DCT: variants seen among roughly 807,000 people sequenced by gnomAD.
DCT encodes L-dopachrome tautomerase.
Under a neutral mutation model 53.0 loss-of-function variants are expected in DCT, and 47 were observed. That is an observed-to-expected ratio of 0.89 (90% CI 0.70 to 1.13). The LOEUF is 1.13. Among genes scored for constraint, DCT ranks in the 50% most tolerant of loss-of-function variants. The probability of loss-of-function intolerance (pLI) is 0.00; values close to 1 mark genes in which losing one functional copy is unlikely to be tolerated. For synonymous variants in DCT, 244 were observed against 237.0 expected (o/e 1.03, Z -0.27); for missense variants, 669 against 637.4 (o/e 1.05, Z -0.53).
chr13:94,548,460 C>T, the DCT span, among the ~76,000 whole-genome samples: 10,218 of 152,052 alleles, frequency 0.067, 686 homozygotes, highest in African/African-American at 0.17. Flanking sequence ...TCCAGCAACC[C>T]GCCACCTCAC....
intron 6 of DCT, chr13:94,445,890 G>A (rs1566803853): frequency 7.8e-6 from 5 of 643,680 alleles, no homozygotes; most frequent in Non-Finnish European, 1.4e-5. Context: ...ACTGTGGGGG[G>A]GCGGGGTGAA....
chr13:94,468,927 T>G lies in DCT; in HGVS notation c.414A>C (p.Arg138Ser). The change falls in exon 2 of 8, where the codon AGA (arginine) becomes AGC (serine). Residue 138 changes from arginine (R) to serine (S), a missense_variant. Coordinates refer to ENST00000377028, the MANE Select transcript of DCT (RefSeq NM_001922.5). ...GATCTAAGGCGCCCAAGAACTGCTC[T>G]CTTTCCTGAGGACTCAAGGAATGGA... ...QNIHSLSPQE[R>S]EQFLGALDLA... The G allele has an allele frequency of 1.4e-5, 23 of 1,614,144 alleles. No homozygotes were observed. Among genetic ancestry groups the G allele is most frequent in the Non-Finnish European group, 1.9e-5 (23 of 1,180,010 alleles).
Position 94,439,430 on chromosome 13 carries a change from C to A in DCT, c.*468G>T, listed in dbSNP as rs71429550. The A allele has an allele frequency of 1.3e-5, 2 of 153,120 alleles. No homozygotes were observed. The highest frequency in any genetic ancestry group is 4.8e-5 in the African/African-American group (2 of 41,434). 9.5% of individuals were successfully genotyped at this position (153,120 alleles called of 1,614,324 possible). On this transcript the variant is annotated 3_prime_UTR_variant, in exon 8 of 8. Coordinates refer to ENST00000377028, the MANE Select transcript of DCT (RefSeq NM_001922.5). ...GCTAAAAGGGATCTTGGAGACTCAT[C>A]TAGCACCTACCAACTCCCACCTCCA...
At chr13:94,487,422 G>A in the DCT span, among the ~76,000 whole-genome samples, 2 of 152,212 alleles carry the variant, frequency 1.3e-5, no homozygotes, top group East Asian at 1.9e-4. Context: ...AGGACTCAAT[G>A]TATGTTCATG....
chr13:94,540,903 T>C, the DCT span, among the ~76,000 whole-genome samples: 2 of 152,290 alleles, frequency 1.3e-5, no homozygotes, highest in African/African-American at 4.8e-5. Flanking sequence ...AATCTAAGTG[T>C]CCATCAACAG....
chr13:94,452,728 GA>G, intron 6 of DCT: 1 of 654,806 alleles, frequency 1.5e-6, no homozygotes. Flanking sequence ...TACATTTCAG[GA>G]TAAATCCATG....
the DCT span, among the ~76,000 whole-genome samples, chr13:94,526,774 T>C: frequency 6.6e-6 from 1 of 151,978 alleles, no homozygotes; most frequent in South Asian, 2.1e-4. Context: ...ACCGGTTGGA[T>C]AGTGGTTGCA....
intron 6 of DCT, among the ~76,000 whole-genome samples, chr13:94,452,932 A>T (rs1883190849): frequency 6.6e-6 from 1 of 152,168 alleles, no homozygotes; most frequent in African/African-American, 2.4e-5. Context: ...TTAGAAAAAA[A>T]TTGTATTGTT....
Position 94,462,077 on chromosome 13 carries a change from G to A in DCT, c.976C>T (p.Arg326Ter), listed in dbSNP as rs148575940. The A allele has an allele frequency of 1.7e-5, 27 of 1,612,872 alleles. No homozygotes were observed. The highest frequency in any genetic ancestry group is 1.6e-4 in the African/African-American group (12 of 74,606). ...SMKLPTLKDI[R>*]DCLSLQKFDN... ...AACTTCTGGAGAGACAGGCAATCTC[G>A]TATGTCTTTTAAGGTTGGCAATTTC... is the stretch of plus-strand genomic sequence containing the variant. The change falls in exon 5 of 8, where the codon CGA becomes TGA. Residue 326 changes from arginine (R) to a stop codon, truncating the protein, a stop_gained. Coordinates refer to ENST00000377028, the MANE Select transcript of DCT (RefSeq NM_001922.5). LOFTEE classifies it high-confidence loss of function.
At chr13:94,529,916 A>G in the DCT span, among the ~76,000 whole-genome samples, 3,398 of 152,318 alleles carry the variant, frequency 0.022, 123 homozygotes, top group African/African-American at 0.076. Flanking sequence ...AGAAGAAAAG[A>G]GAGAAGAATC....
chr13:94,529,242 G>T, the DCT span, among the ~76,000 whole-genome samples: 3 of 152,158 alleles, frequency 2.0e-5, no homozygotes, highest in Non-Finnish European at 4.4e-5. Flanking sequence ...GAGACAGAAG[G>T]TTAACAAGGA....
At position 94,479,282 on chromosome 13, in the gene DCT, T is replaced by C; in HGVS notation, c.-27A>G. ...GCTTTATAATTGGGAGAGCTCTCTC[T>C]CTCTCTTACTTTCCTTGTCTCTGTC... On this transcript the variant is annotated 5_prime_UTR_variant, in exon 1 of 8. Coordinates refer to ENST00000377028, the MANE Select transcript of DCT (RefSeq NM_001922.5). 6.6e-7 allele frequency: 1 copy of C among 1,523,304 alleles called. No individual in the cohort carries two copies. Among genetic ancestry groups the C allele is most frequent in the Non-Finnish European group, 8.9e-7 (1 of 1,129,724 alleles). 94.4% of individuals were successfully genotyped at this position (1,523,304 alleles called of 1,614,324 possible). A position where few individuals can be genotyped will look rare whatever the true frequency, so the allele number is the denominator to read the frequency against.
intron 6 of DCT, among the ~76,000 whole-genome samples, chr13:94,451,062 C>T (rs571734363): frequency 2.0e-4 from 31 of 152,158 alleles, no homozygotes; most frequent in Middle Eastern, 3.4e-3. Context: ...AACAAGCCAG[C>T]CCCCAGCCTA....
At chr13:94,524,375 T>C in the DCT span, among the ~76,000 whole-genome samples, 3 of 152,206 alleles carry the variant, frequency 2.0e-5, no homozygotes, top group South Asian at 2.1e-4. Context: ...TGTGGCTACA[T>C]GGCATCCTGG....
At chr13:94,476,335 C>G (rs1326286826) in intron 1 of DCT, among the ~76,000 whole-genome samples, 1 of 151,788 alleles carries the variant, frequency 6.6e-6, no homozygotes, top group East Asian at 1.9e-4. Context: ...CAAAACAAAA[C>G]TTGCTAGCCA....
chr13:94,526,126 T>G, the DCT span, among the ~76,000 whole-genome samples: 2 of 152,244 alleles, frequency 1.3e-5, no homozygotes, highest in Admixed American at 1.3e-4. Context: ...ATGGGGCATA[T>G]GGCTCCTGGG....
the DCT span, among the ~76,000 whole-genome samples, chr13:94,531,260 G>A: frequency 9.7e-3 from 1,467 of 152,006 alleles, 25 homozygotes; most frequent in African/African-American, 0.033. Context: ...AAGCTACCAC[G>A]GACTTTCTTC....
the DCT span, among the ~76,000 whole-genome samples, chr13:94,524,097 A>T: frequency 6.6e-6 from 1 of 152,210 alleles, no homozygotes; most frequent in Non-Finnish European, 1.5e-5. Context: ...CTCCATCCAG[A>T]CTGTTTCATC....
At chr13:94,507,779 C>T in the DCT span, among the ~76,000 whole-genome samples, 2 of 152,304 alleles carry the variant, frequency 1.3e-5, no homozygotes, top group African/African-American at 4.8e-5. Context: ...GGATTATAGG[C>T]GTGAGCCACC....
Sources: gnomAD v4.1 joint callset for allele counts (sites outside exome capture counted in the v4.1 genomes callset) on GRCh38, gnomAD v4.1.1 for gene constraint, MANE v1.5 for transcripts, NCBI Gene and HGNC (gene_info 2026-07-23, HGNC 2026-07-21) for gene names.